SND1: variants seen among roughly 807,000 people sequenced by gnomAD.
SND1 encodes staphylococcal nuclease domain-containing protein 1.
In SND1, 38 loss-of-function variants were observed where a neutral mutation model predicts 121.7. That is an observed-to-expected ratio of 0.31 (90% CI 0.24 to 0.41). SND1 has a LOEUF of 0.41. SND1 is among the 10% of genes least tolerant of loss of function. The pLI is 1.00. For missense variants in SND1, 868 were observed against 1,184.6 expected, an observed-to-expected ratio of 0.73 and a Z score of 3.92; for synonymous variants, 401 against 447.4, an observed-to-expected ratio of 0.90 and a Z score of 1.31.
At chr7:127,902,167 T>C (rs1800245977) in intron 13 of SND1, among the ~76,000 whole-genome samples, 1 of 152,222 alleles carries the variant, frequency 6.6e-6, no homozygotes, top group Non-Finnish European at 1.5e-5. Flanking sequence ...TCAGGCCCTG[T>C]TCTTTTTTTC....
At chr7:127,928,875 G>A (rs1800904471) in intron 14 of SND1, among the ~76,000 whole-genome samples, 2 of 152,228 alleles carry the variant, frequency 1.3e-5, no homozygotes, top group South Asian at 2.1e-4. Flanking sequence ...GCAGGCGTGA[G>A]CCACTGCGCC....
intron 10 of SND1, among the ~76,000 whole-genome samples, chr7:127,730,099 G>T (rs1014338392): frequency 4.6e-5 from 7 of 152,162 alleles, no homozygotes; most frequent in African/African-American, 1.7e-4. Context: ...CTCCCGAGTA[G>T]CTGGGATTAC....
At chr7:127,705,804 G>A (rs770096639) in intron 8 of SND1, among the ~76,000 whole-genome samples, 1 of 152,192 alleles carries the variant, frequency 6.6e-6, no homozygotes, top group Non-Finnish European at 1.5e-5. Context: ...AAGTCTTGCT[G>A]TATGACTTGT....
intron 16 of SND1, among the ~76,000 whole-genome samples, chr7:128,041,384 A>C (rs1369716840): frequency 6.6e-6 from 1 of 152,190 alleles, no homozygotes; most frequent in East Asian, 1.9e-4. Flanking sequence ...GAGTCATCAA[A>C]CAACCAATGG....
chr7:128,004,177 G>C (rs548717756), intron 16 of SND1, among the ~76,000 whole-genome samples: 12 of 152,090 alleles, frequency 7.9e-5, no homozygotes, highest in Non-Finnish European at 1.2e-4. Context: ...GATTAAGCAA[G>C]GGTGCCAGGA....
chr7:128,066,196 C>G (rs1205636872), intron 16 of SND1, among the ~76,000 whole-genome samples: 2 of 152,212 alleles, frequency 1.3e-5, no homozygotes, highest in Non-Finnish European at 2.9e-5. Context: ...CCATCCCACC[C>G]CTCATCCCTG....
At chr7:127,664,944 G>C (rs1486021569) in intron 1 of SND1, among the ~76,000 whole-genome samples, 1 of 152,162 alleles carries the variant, frequency 6.6e-6, no homozygotes, top group African/African-American at 2.4e-5. Flanking sequence ...GTCCTTTTTA[G>C]GGTGGTAGGT....
At chr7:127,963,975 G>T in intron 15 of SND1, among the ~76,000 whole-genome samples, 1 of 150,498 alleles carries the variant, frequency 6.6e-6, no homozygotes, top group Admixed American at 6.6e-5. Flanking sequence ...ATCTCATAGT[G>T]GTTTTGATTT....
At chr7:127,857,780 G>T in intron 12 of SND1, 1 of 680,004 alleles carries the variant, frequency 1.5e-6, no homozygotes, top group Non-Finnish European at 2.7e-6. Context: ...CTCACTGCCT[G>T]AGACACTTGG....
Position 128,084,801 on chromosome 7 carries a change from C to A in SND1, c.2188C>A (p.Pro730Thr), listed in dbSNP as rs1793661430. 1 of 1,608,386 alleles carries A rather than the reference C, an allele frequency of 6.2e-7. No individual in the cohort carries two copies. The highest frequency in any genetic ancestry group is 8.5e-7 in the Non-Finnish European group (1 of 1,176,112). Residue 730 changes from proline (P) to threonine (T), a missense_variant, in exon 19 of 24, where the codon CCC becomes ACC. Coordinates refer to ENST00000354725, the MANE Select transcript of SND1 (RefSeq NM_014390.4). Reference protein sequence around the residue: ...SHPPVEGSYAPRRGEFCIAKF... With the variant: ...SHPPVEGSYATRRGEFCIAKF... ...CCCCCCTGTAGAGGGCTCCTATGCC[C>A]CCCGCAGGGGAGAGTTCTGCATTGC...
intron 10 of SND1, among the ~76,000 whole-genome samples, chr7:127,760,961 A>G (rs1797295498): frequency 6.6e-6 from 1 of 152,224 alleles, no homozygotes; most frequent in South Asian, 2.1e-4. Context: ...ATTCTGGTTT[A>G]TATCATAATC....
At chr7:127,815,614 A>T (rs1464081090) in intron 11 of SND1, among the ~76,000 whole-genome samples, 3 of 152,168 alleles carry the variant, frequency 2.0e-5, no homozygotes, top group Non-Finnish European at 4.4e-5. Flanking sequence ...GGTTTTAGCT[A>T]CAAGCCAGGA....
chr7:127,989,402 A>G (rs1194114643), intron 15 of SND1, among the ~76,000 whole-genome samples: 2 of 152,138 alleles, frequency 1.3e-5, no homozygotes, highest in African/African-American at 2.4e-5. Flanking sequence ...TGAAAGCCCA[A>G]TATATAGCCT....
intron 1 of SND1, among the ~76,000 whole-genome samples, chr7:127,659,495 C>T (rs1028373033): frequency 6.6e-6 from 1 of 152,142 alleles, no homozygotes; most frequent in African/African-American, 2.4e-5. Context: ...CACTTATGTG[C>T]TTATCATGTG....
Position 128,092,085 on chromosome 7 carries a change from C to T in SND1, c.*27C>T, listed in dbSNP as rs756776950. On this transcript the variant is annotated 3_prime_UTR_variant, in exon 24 of 24. Transcript: ENST00000354725. This position sits in a 1 kb window ranked among gnomAD's most constrained non-coding sequence, Gnocchi z 4.9. ...GAGGGGATCGGGTTTGGCCCCCAGC[C>T]CCGCTCACGCCAGTCCCTCTTCCTC... The T allele has an allele frequency of 3.7e-6, 6 of 1,611,198 alleles. No homozygotes were observed. Among genetic ancestry groups the T allele is most frequent in the Admixed American group, 3.3e-5 (2 of 59,980 alleles).
At chr7:127,886,459 A>G (rs758104813) in intron 12 of SND1, among the ~76,000 whole-genome samples, 12 of 152,034 alleles carry the variant, frequency 7.9e-5, no homozygotes, top group East Asian at 1.9e-4. Flanking sequence ...CACATTTTCA[A>G]ACAATACTCA....
At chr7:127,792,854 A>T (rs988158936) in intron 10 of SND1, among the ~76,000 whole-genome samples, 1 of 152,094 alleles carries the variant, frequency 6.6e-6, no homozygotes, top group African/African-American at 2.4e-5. Flanking sequence ...TGCTGGGAGG[A>T]AGAAGTAGTG....
At chr7:128,013,725 A>T (rs911430062) in intron 16 of SND1, among the ~76,000 whole-genome samples, 1 of 152,214 alleles carries the variant, frequency 6.6e-6, no homozygotes, top group Admixed American at 6.5e-5. Context: ...TCAAGCTCCT[A>T]TGAGACTGTA....
At chr7:127,939,215 C>T (rs1408320687) in intron 15 of SND1, among the ~76,000 whole-genome samples, 2 of 152,186 alleles carry the variant, frequency 1.3e-5, no homozygotes, top group African/African-American at 4.8e-5. Context: ...TACGGTGTAC[C>T]ATCTGAGGAC....
Sources: allele counts gnomAD v4.1 joint callset (sites outside exome capture counted in the v4.1 genomes callset), GRCh38; gene constraint gnomAD v4.1.1; non-coding constraint Gnocchi (gnomAD v3.1); transcripts MANE v1.5; gene names NCBI Gene and HGNC (gene_info 2026-07-23, HGNC 2026-07-21).